STXBP6: variants seen among roughly 807,000 people sequenced by gnomAD.
The protein encoded by STXBP6 is syntaxin-binding protein 6.
In STXBP6, 21 loss-of-function variants were observed where a neutral mutation model predicts 26.9. That is an observed-to-expected ratio of 0.78 (90% CI 0.55 to 1.12). STXBP6 has a LOEUF of 1.12. Ranked by LOEUF, STXBP6 falls within the 50% of genes most tolerant of loss-of-function variation. The probability of loss-of-function intolerance (pLI) is 0.00; values close to 1 mark genes in which losing one functional copy is unlikely to be tolerated. For synonymous variants in STXBP6, 97 were observed against 92.6 expected, an observed-to-expected ratio of 1.05 and a Z score of -0.27; for missense variants, 232 against 257.9, an observed-to-expected ratio of 0.90 and a Z score of 0.69.
chr14:24,875,538 C>G (rs959241942), intron 2 of STXBP6, among the ~76,000 whole-genome samples: 4 of 152,098 alleles, frequency 2.6e-5, no homozygotes, highest in African/African-American at 9.7e-5. Context: ...GGGGAGGACT[C>G]TTGGCAGGAA....
chr14:24,828,917 CCGT>C (rs2068370521), intron 4 of STXBP6, among the ~76,000 whole-genome samples: 1 of 152,036 alleles, frequency 6.6e-6, no homozygotes, highest in African/African-American at 2.4e-5. Flanking sequence ...GGGAGAAAAC[CCGT>C]CAAGTTGAAA....
At chr14:24,907,011 G>A (rs1361346576) in intron 2 of STXBP6, among the ~76,000 whole-genome samples, 1 of 152,164 alleles carries the variant, frequency 6.6e-6, no homozygotes, top group African/African-American at 2.4e-5. Flanking sequence ...CAAAAGCTGG[G>A]AAGTGTAGGG....
chr14:24,956,536 C>T (rs901713655), intron 2 of STXBP6, among the ~76,000 whole-genome samples: 1 of 152,128 alleles, frequency 6.6e-6, no homozygotes, highest in Admixed American at 6.6e-5. Flanking sequence ...GGAATTCTAG[C>T]TTTTCTGGGA....
At chr14:25,005,661 C>A (rs1407923379) in intron 1 of STXBP6, among the ~76,000 whole-genome samples, 3 of 151,868 alleles carry the variant, frequency 2.0e-5, no homozygotes, top group Non-Finnish European at 4.4e-5. Flanking sequence ...GTCAAATTTG[C>A]AAAAATTGCA....
At chr14:25,024,420 G>C (rs1207580723) in intron 1 of STXBP6, among the ~76,000 whole-genome samples, 1 of 152,122 alleles carries the variant, frequency 6.6e-6, no homozygotes, top group Non-Finnish European at 1.5e-5. Context: ...AGGAACCAGA[G>C]GCTCAGAGGT....
intron 2 of STXBP6, among the ~76,000 whole-genome samples, chr14:24,964,391 C>G (rs2073659749): frequency 6.6e-6 from 1 of 152,144 alleles, no homozygotes; most frequent in Non-Finnish European, 1.5e-5. Flanking sequence ...CCTCACTGTG[C>G]TTGTGGCTAA....
At chr14:24,969,137 T>A (rs949824195) in intron 2 of STXBP6, among the ~76,000 whole-genome samples, 2 of 152,200 alleles carry the variant, frequency 1.3e-5, no homozygotes, top group African/African-American at 4.8e-5. Flanking sequence ...TCAAAAAGCA[T>A]TCAGAACTTT....
intron 4 of STXBP6, among the ~76,000 whole-genome samples, chr14:24,847,351 A>G (rs978287169): frequency 2.0e-5 from 3 of 152,264 alleles, no homozygotes; most frequent in African/African-American, 7.2e-5. Flanking sequence ...TAAGCTTTTC[A>G]TAAAGGTAAA....
chr14:24,967,681 A>G (rs184948710), intron 2 of STXBP6, among the ~76,000 whole-genome samples: 20 of 152,336 alleles, frequency 1.3e-4, no homozygotes, highest in Admixed American at 3.9e-4. Context: ...TGTACACACC[A>G]AATCTCTATA....
rs150189072 is a variant in STXBP6 at position 25,015,647 on chromosome 14, T to A, written c.-33+34231A>T. ...ATAACTGAAAGAATATGTGCACCAATGACTATTAATAATTGAACATGAAAA... is the reference window on the plus strand; with the variant it reads ...ATAACTGAAAGAATATGTGCACCAAAGACTATTAATAATTGAACATGAAAA... On this transcript the variant is annotated intron_variant, in intron 1 of 5. Transcript: ENST00000323944. 3.8e-4 allele frequency among the ~76,000 whole-genome samples: 58 copies of A among 152,300 alleles called. No homozygotes were observed. The Middle Eastern group carries it at 0.024, about 63-fold the overall frequency.
At chr14:25,030,511 C>A (rs1163522815) in intron 1 of STXBP6, among the ~76,000 whole-genome samples, 2 of 152,284 alleles carry the variant, frequency 1.3e-5, no homozygotes, top group East Asian at 3.9e-4. Flanking sequence ...ACACTATTCC[C>A]TCAAGGGTTC....
At position 24,931,771 on chromosome 14, in the gene STXBP6, G is replaced by A. The variant is rs146049651; in HGVS notation, c.154+42894C>T. On this transcript the variant is annotated intron_variant, in intron 2 of 5. Transcript: ENST00000323944. The stretch of plus-strand genomic sequence containing the variant: ...GGATAATGTGACTGTGGGCAAGGGA[G>A]AAGGAGCGGCTACTTAGATTCAGTG... 1.8e-3 allele frequency among the ~76,000 whole-genome samples: 278 copies of A among 152,308 alleles called. 1 individual carries two copies. The highest frequency in any genetic ancestry group is 6.6e-3 in the African/African-American group (273 of 41,570).
chr14:24,937,889 G>A (rs1217166707), intron 2 of STXBP6, among the ~76,000 whole-genome samples: 2 of 152,076 alleles, frequency 1.3e-5, no homozygotes, highest in Non-Finnish European at 2.9e-5. Context: ...TAATTATTTT[G>A]CTCCCAGTAT....
At chr14:24,868,598 T>C (rs1256273088) in intron 2 of STXBP6, among the ~76,000 whole-genome samples, 1 of 152,168 alleles carries the variant, frequency 6.6e-6, no homozygotes, top group Non-Finnish European at 1.5e-5. Context: ...ATGGAGACCC[T>C]GGTGAACAAG....
chr14:24,888,849 G>A (rs560339876), intron 2 of STXBP6, among the ~76,000 whole-genome samples: 1 of 152,204 alleles, frequency 6.6e-6, no homozygotes, highest in South Asian at 2.1e-4. Flanking sequence ...CACAGTTTAG[G>A]GTAGTGGCAA....
intron 2 of STXBP6, among the ~76,000 whole-genome samples, chr14:24,971,549 T>G (rs2073906645): frequency 6.6e-6 from 1 of 150,942 alleles, no homozygotes; most frequent in Admixed American, 6.6e-5. Context: ...CAGCTTTCAC[T>G]TCACAGACTC....
chr14:24,950,734 CTATT>C (rs762483369), intron 2 of STXBP6, among the ~76,000 whole-genome samples: 7 of 152,106 alleles, frequency 4.6e-5, no homozygotes, highest in Non-Finnish European at 7.4e-5. Flanking sequence ...AGACACAAAA[CTATT>C]TAAAAAATTT....
intron 2 of STXBP6, among the ~76,000 whole-genome samples, chr14:24,860,870 A>G (rs1167353976): frequency 6.6e-6 from 1 of 151,812 alleles, no homozygotes; most frequent in African/African-American, 2.4e-5. Context: ...AATAAAATAA[A>G]TATCCTTAAA....
rs867213750 is a variant in STXBP6 at position 24,859,331 on chromosome 14, G to A, written c.155-2174C>T. 5.3e-5 allele frequency among the ~76,000 whole-genome samples: 8 copies of A among 152,068 alleles called. 1 individual carries two copies. The highest frequency in any genetic ancestry group is 1.9e-4 in the African/African-American group (8 of 41,398). On this transcript the variant is annotated intron_variant, in intron 2 of 5. Coordinates refer to ENST00000323944, the MANE Select transcript of STXBP6 (RefSeq NM_001394410.1). Reference sequence around the variant, plus strand: ...CTAGTTTTCCTGGGCACTGAGCCTGGTTGGTTTAATTTTTGTTTATTGTTA... The same window carrying A: ...CTAGTTTTCCTGGGCACTGAGCCTGATTGGTTTAATTTTTGTTTATTGTTA...
Sources: allele counts gnomAD v4.1 joint callset (sites outside exome capture counted in the v4.1 genomes callset), GRCh38; gene constraint gnomAD v4.1.1; transcripts MANE v1.5; gene names NCBI Gene and HGNC (gene_info 2026-07-23, HGNC 2026-07-21).